Variants in SCN7A observed in about 807,000 individuals in gnomAD.
SCN7A encodes the protein sodium channel protein type 7 subunit alpha.
SCN7A carries 138 observed loss-of-function variants against 155.2 expected under a neutral mutation model. That is an observed-to-expected ratio of 0.89 (90% CI 0.77 to 1.02). The LOEUF (loss-of-function observed/expected upper bound fraction) is 1.02. SCN7A is among the 50% of genes least tolerant of loss of function. The pLI is 0.00. For missense variants in SCN7A, 2,058 were observed against 1,986.6 expected, an observed-to-expected ratio of 1.04 and a Z score of -0.68; for synonymous variants, 693 against 649.0, an observed-to-expected ratio of 1.07 and a Z score of -1.03.
chr2:166,441,762 C>A lies in SCN7A; in HGVS notation c.1801-10G>T. 2 of 1,575,524 alleles carry A rather than the reference C, an allele frequency of 1.3e-6. No individual in the cohort carries two copies. Among genetic ancestry groups the A allele is most frequent in the Non-Finnish European group, 1.7e-6 (2 of 1,161,112 alleles). On this transcript the variant is annotated splice_polypyrimidine_tract_variant and intron_variant, in intron 14 of 25. Coordinates refer to ENST00000643258, the MANE Select transcript of SCN7A (RefSeq NM_002976.4). Reference sequence around the variant, plus strand: ...ACTTGAAAATTCTTAACTAATAGAGCAATGTAAAATCAAGAACAAGAAACA... The same window carrying A: ...ACTTGAAAATTCTTAACTAATAGAGAAATGTAAAATCAAGAACAAGAAACA...
At chr2:166,489,411 AC>A (rs1221621764) in intron 1 of SCN7A, among the ~76,000 whole-genome samples, 1 of 152,226 alleles carries the variant, frequency 6.6e-6, no homozygotes, top group East Asian at 1.9e-4. Flanking sequence ...TTTCTATATT[AC>A]TTGAACATAA....
intron 11 of SCN7A, among the ~76,000 whole-genome samples, chr2:166,455,255 T>C (rs940716640): frequency 5.3e-5 from 8 of 152,166 alleles, no homozygotes; most frequent in African/African-American, 1.9e-4. Context: ...AAATATTTTT[T>C]GATCTTCTGA....
At chr2:166,474,187 A>C in intron 4 of SCN7A, 39 bp downstream of exon 4, 1 of 937,396 alleles carries the variant, frequency 1.1e-6, no homozygotes, top group Non-Finnish European at 1.6e-6. Context: ...AGTTAATGTC[A>C]GCACAGTTTA....
At chr2:166,492,510 G>A (rs74978638) in intron 1 of SCN7A, among the ~76,000 whole-genome samples, 1,571 of 152,250 alleles carry the variant, frequency 0.01, 32 homozygotes, top group African/African-American at 0.037. Flanking sequence ...AACAGAAAGA[G>A]GGTAAAGCAT....
At chr2:166,457,919 G>A (rs1702320371) in intron 10 of SCN7A, among the ~76,000 whole-genome samples, 1 of 152,136 alleles carries the variant, frequency 6.6e-6, no homozygotes, top group Non-Finnish European at 1.5e-5. Context: ...AGAAAATATT[G>A]TGTGGATGTA....
intron 3 of SCN7A, among the ~76,000 whole-genome samples, chr2:166,475,081 T>C (rs946176552): frequency 7.2e-5 from 9 of 125,410 alleles, no homozygotes; most frequent in African/African-American, 2.9e-4. Context: ...TATATTTGTG[T>C]ATATATATAT....
At chr2:166,412,708 T>C in intron 22 of SCN7A, 41 bp from the exon 23 acceptor site, 1 of 1,456,342 alleles carries the variant, frequency 6.9e-7, no homozygotes, top group Non-Finnish European at 9.0e-7. Flanking sequence ...ATTGGCTTTT[T>C]AAAACAAGTT....
chr2:166,414,150 AATATAT>A lies in SCN7A; in HGVS notation c.3415-1035_3415-1030del, dbSNP rs1215077691. ...TATTATATATATGTAAATATATATA[AATATAT>A]ATAATATATTATATATATGTAAATA... is the stretch of plus-strand genomic sequence containing the variant. On this transcript the variant is annotated intron_variant, in intron 21 of 25. Transcript: ENST00000643258. Among the ~76,000 whole-genome samples, 20 of 56,680 alleles carry A rather than the reference AATATAT, an allele frequency of 3.5e-4. No individual in the cohort carries two copies. The East Asian group carries it at 6.1e-3, about 17-fold the overall frequency. The allele number at this position is 56,680 out of a possible 152,430, so 37.2% of individuals were successfully genotyped here.
chr2:166,417,098 A>T, intron 20 of SCN7A, 113 bp from the exon 21 acceptor site: 2 of 811,654 alleles, frequency 2.5e-6, no homozygotes, highest in Non-Finnish European at 3.8e-6. Context: ...AAAAACCTTA[A>T]AAGGCCATAT....
At chr2:166,475,693 G>T (rs1178895506) in intron 3 of SCN7A, among the ~76,000 whole-genome samples, 1 of 151,888 alleles carries the variant, frequency 6.6e-6, no homozygotes, top group Non-Finnish European at 1.5e-5. Context: ...CCATTGTGAT[G>T]AAATGACTAA....
intron 22 of SCN7A, 147 bp downstream of exon 22, chr2:166,412,921 T>C: frequency 1.2e-6 from 1 of 853,984 alleles, no homozygotes; most frequent in Admixed American, 3.3e-5. Flanking sequence ...TTGTATATAA[T>C]AACCCTGGAA....
At position 166,423,286 on chromosome 2, in the gene SCN7A, C is replaced by T; in HGVS notation, c.3000G>A (p.Trp1000Ter). 6.2e-7 allele frequency: 1 copy of T among 1,608,794 alleles called. No homozygotes were observed. Among genetic ancestry groups the T allele is most frequent in the South Asian group, 1.1e-5 (1 of 89,694 alleles). The change falls in exon 19 of 26, where the codon TGG becomes TGA. Residue 1000 changes from tryptophan to a stop codon, truncating the protein, a stop_gained. Transcript: ENST00000643258. LOFTEE classifies it high-confidence loss of function. The stretch of plus-strand genomic sequence containing the variant: ...TAACAACCACGAAGTCCAGCCTGTA[C>T]CAGCCATTAGAGAAATAGGCCTTAA... ...YGFKAYFSNG[W>*]YRLDFVVVIV...
At chr2:166,492,291 T>C (rs1254617992) in intron 1 of SCN7A, among the ~76,000 whole-genome samples, 2 of 152,082 alleles carry the variant, frequency 1.3e-5, no homozygotes, top group South Asian at 4.2e-4. Flanking sequence ...TTTAAACATA[T>C]CCATGGGAAA....
In SCN7A at chr2:166,465,629, T is replaced by C. The variant is rs887190268; in HGVS notation, c.872-98A>G. ...CTCTGCAGAAGCTAAAATACCTTTC[T>C]GCAATTGTGAAGAAAAGAGCAAATA... is the stretch of plus-strand genomic sequence containing the variant. On this transcript the variant is annotated intron_variant, in intron 8 of 25. Transcript: ENST00000643258. 4 of 1,233,144 alleles carry C rather than the reference T, an allele frequency of 3.2e-6. No homozygotes were observed. The African/African-American group carries it at 4.5e-5, about 14-fold the overall frequency. 76.4% of individuals were successfully genotyped at this position (1,233,144 alleles called of 1,614,324 possible).
intron 2 of SCN7A, among the ~76,000 whole-genome samples, chr2:166,477,923 T>G (rs893701496): frequency 1.3e-5 from 2 of 152,008 alleles, no homozygotes; most frequent in African/African-American, 4.8e-5. Context: ...GCTTCACTTA[T>G]TCATCGTTTT....
intron 14 of SCN7A, among the ~76,000 whole-genome samples, chr2:166,443,025 C>A (rs562663932): frequency 2.6e-5 from 4 of 152,078 alleles, no homozygotes; most frequent in African/African-American, 9.7e-5. Context: ...ATTCTCATAA[C>A]GTTATTCCCT....
intron 15 of SCN7A, among the ~76,000 whole-genome samples, chr2:166,438,509 A>G (rs1701885128): frequency 6.6e-6 from 1 of 152,194 alleles, no homozygotes; most frequent in Non-Finnish European, 1.5e-5. Flanking sequence ...ACTCAACAAG[A>G]CAGAACTATT....
chr2:166,474,678 A>G (rs773971519), intron 3 of SCN7A, among the ~76,000 whole-genome samples: 67 of 151,846 alleles, frequency 4.4e-4, no homozygotes, highest in Non-Finnish European at 8.0e-4. Context: ...ACGAAGATCC[A>G]TTTAAAAATG....
At chr2:166,424,812 T>C (rs1310681695) in intron 18 of SCN7A, among the ~76,000 whole-genome samples, 3 of 152,090 alleles carry the variant, frequency 2.0e-5, no homozygotes, top group Non-Finnish European at 4.4e-5. Context: ...AAACTATAAT[T>C]GCACCCAGCT....
Sources: allele counts gnomAD v4.1 joint callset (sites outside exome capture counted in the v4.1 genomes callset), GRCh38; gene constraint gnomAD v4.1.1; transcripts MANE v1.5; gene names NCBI Gene and HGNC (gene_info 2026-07-23, HGNC 2026-07-21).